The following QKI variants were observed in gnomAD, a reference collection of about 807,000 sequenced individuals.
The protein encoded by QKI is QKI, KH domain containing RNA binding, also known as KH domain-containing RNA-binding protein QKI.
In QKI, 10 loss-of-function variants were observed where a neutral mutation model predicts 39.0. The observed-to-expected ratio is 0.26, with a 90% CI of 0.16 to 0.43. The LOEUF is 0.43. Ranked by LOEUF, QKI falls within the 20% of genes least tolerant of loss-of-function variation. The pLI is 1.00. For missense variants in QKI, 218 were observed against 428.0 expected (o/e 0.51, Z 4.33); for synonymous variants, 204 against 155.4 (o/e 1.31, Z -2.33).
rs951266321 is a variant in QKI, at chr6:163,578,114, A to T, written c.*7404A>T. The T allele has an allele frequency of 1.3e-5, 2 of 152,204 alleles. No homozygotes were observed. The highest frequency in any genetic ancestry group is 4.8e-5 in the African/African-American group (2 of 41,462). The allele number at this position is 152,204 out of a possible 1,614,324, so 9.4% of individuals were successfully genotyped here. A position where few individuals can be genotyped will look rare whatever the true frequency, so the allele number is the denominator to read the frequency against. On this transcript the variant is annotated 3_prime_UTR_variant, in exon 8 of 8. Transcript: ENST00000361752. The stretch of plus-strand genomic sequence containing the variant: ...CTGAAAGCGCTTATTTTTACATGCT[A>T]CACAACAGTTCCAATTTTAAGGAGT...
At chr6:163,446,860 G>T (rs2128216918) in intron 1 of QKI, among the ~76,000 whole-genome samples, 1 of 152,280 alleles carries the variant, frequency 6.6e-6, no homozygotes, top group East Asian at 1.9e-4. Context: ...TCTACTGGCA[G>T]TATCCGTTTA....
At chr6:163,537,378 T>C (rs929330528) in intron 4 of QKI, among the ~76,000 whole-genome samples, 1 of 152,166 alleles carries the variant, frequency 6.6e-6, no homozygotes, top group East Asian at 1.9e-4. Context: ...TTGGAAAAAA[T>C]GTACAGAAAT....
intron 1 of QKI, among the ~76,000 whole-genome samples, chr6:163,420,158 T>TC (rs1454549563): frequency 3.5e-5 from 5 of 142,340 alleles, no homozygotes; most frequent in South Asian, 2.1e-4. Context: ...TCTTTTCTTT[T>TC]TTTTTTTTTT....
intron 3 of QKI, among the ~76,000 whole-genome samples, chr6:163,515,927 A>G (rs992942135): frequency 2.0e-5 from 3 of 152,140 alleles, no homozygotes; most frequent in Non-Finnish European, 4.4e-5. Flanking sequence ...TCTTTGTGGT[A>G]TAAGCTGATT....
intron 1 of QKI, among the ~76,000 whole-genome samples, chr6:163,418,229 T>C (rs1011509016): frequency 2.6e-5 from 4 of 152,054 alleles, no homozygotes; most frequent in African/African-American, 9.7e-5. Context: ...TTCTGATAAT[T>C]AGGAATTTTA....
chr6:163,564,563 TC>T lies in QKI; in HGVS notation c.934+845del, dbSNP rs1783237593. ...AAATAGCAAATCACTGAATTCAGAA[TC>T]TCACTTAAGGCAGAAATTAAAATCA... On this transcript the variant is annotated intron_variant, in intron 6 of 7. Transcript: ENST00000361752. 55 of 1,585,582 alleles carry T rather than the reference TC, an allele frequency of 3.5e-5. No homozygotes were observed. The South Asian group carries it at 6.1e-4, about 17-fold the overall frequency.
In QKI at chr6:163,437,394, T is replaced by A. The variant is rs143988332; in HGVS notation, c.143-17885T>A. Among the ~76,000 whole-genome samples, 21 of 152,336 alleles carry A rather than the reference T, an allele frequency of 1.4e-4. No homozygotes were observed. In the East Asian group the frequency reaches 3.9e-3, roughly 28 times the overall value. The stretch of plus-strand genomic sequence containing the variant: ...GATTATCAAAGTATAATTAGCTGAA[T>A]ATAATTATTTGTTTATGAGATGATA... On this transcript the variant is annotated intron_variant, in intron 1 of 7. Coordinates refer to ENST00000361752, the MANE Select transcript of QKI (RefSeq NM_006775.3).
chr6:163,489,293 C>T (rs6931903), intron 3 of QKI, among the ~76,000 whole-genome samples: 21,732 of 151,746 alleles, frequency 0.14, 1,654 homozygotes, highest in East Asian at 0.25. Context: ...TAAATTCCTC[C>T]GTCTTAGGGT....
chr6:163,536,293 C>T (rs941222647), intron 4 of QKI, among the ~76,000 whole-genome samples: 4 of 151,906 alleles, frequency 2.6e-5, no homozygotes, highest in East Asian at 1.9e-4. Context: ...AGGAGATTTT[C>T]GAAAGTATAC....
chr6:163,443,901 C>T (rs528315301), intron 1 of QKI, among the ~76,000 whole-genome samples: 3 of 152,246 alleles, frequency 2.0e-5, no homozygotes, highest in East Asian at 3.9e-4. Flanking sequence ...TTTGGGGCAT[C>T]GGTTTCATTT....
At chr6:163,446,186 CAGTTATTT>C (rs2128216717) in intron 1 of QKI, among the ~76,000 whole-genome samples, 1 of 152,076 alleles carries the variant, frequency 6.6e-6, no homozygotes, top group South Asian at 2.1e-4. Context: ...TTTATTTATT[CAGTTATTT>C]ATATCAATCT....
At chr6:163,415,383 GC>G (rs769116713) in intron 1 of QKI, 48 bp downstream of exon 1, 111 of 1,472,384 alleles carry the variant, frequency 7.5e-5, no homozygotes, top group Non-Finnish European at 5.5e-6. Context: ...CGCCGGGGCG[GC>G]CCCTTTCCCC....
chr6:163,437,143 T>G (rs1409792062), intron 1 of QKI, among the ~76,000 whole-genome samples: 2 of 152,222 alleles, frequency 1.3e-5, no homozygotes, highest in Non-Finnish European at 2.9e-5. Flanking sequence ...TGATGTAGTT[T>G]AATTATTTTA....
chr6:163,529,126 GAAGTAA>G (rs1681395813), intron 3 of QKI, among the ~76,000 whole-genome samples: 1 of 152,154 alleles, frequency 6.6e-6, no homozygotes, highest in African/African-American at 2.4e-5. Flanking sequence ...GAATTGACTA[GAAGTAA>G]GAGAACAAGA....
At chr6:163,459,176 G>A (rs983701859) in intron 2 of QKI, among the ~76,000 whole-genome samples, 3 of 152,240 alleles carry the variant, frequency 2.0e-5, no homozygotes, top group African/African-American at 7.2e-5. Flanking sequence ...GGCAGTGGCT[G>A]CTTAGGGCAT....
chr6:163,418,707 C>T (rs1222859213), intron 1 of QKI, among the ~76,000 whole-genome samples: 1 of 151,978 alleles, frequency 6.6e-6, no homozygotes, highest in African/African-American at 2.4e-5. Context: ...TTTAGAGAGA[C>T]GTTTTCAACT....
chr6:163,473,045 G>A (rs1196107458), intron 2 of QKI, among the ~76,000 whole-genome samples: 1 of 152,118 alleles, frequency 6.6e-6, no homozygotes. Context: ...AACACAAAAT[G>A]AAGTAATTCA....
chr6:163,520,723 G>C (rs1780100328), intron 3 of QKI, among the ~76,000 whole-genome samples: 1 of 152,064 alleles, frequency 6.6e-6, no homozygotes, highest in Admixed American at 6.6e-5. Flanking sequence ...GTACATGTCA[G>C]TCTTACCCAA....
intron 3 of QKI, among the ~76,000 whole-genome samples, chr6:163,532,005 A>C (rs1377590624): frequency 6.6e-6 from 1 of 152,258 alleles, no homozygotes; most frequent in Non-Finnish European, 1.5e-5. Context: ...CTATCATTTA[A>C]GTTGTTGAAT....
Sources: allele counts gnomAD v4.1 joint callset (sites outside exome capture counted in the v4.1 genomes callset), GRCh38; gene constraint gnomAD v4.1.1; transcripts MANE v1.5; gene names NCBI Gene and HGNC (gene_info 2026-07-23, HGNC 2026-07-21).